The following COPB1 variants were observed in gnomAD, a reference collection of about 807,000 sequenced individuals.
COPB1 encodes coat protein complex I subunit beta 1, also known as coatomer subunit beta.
In COPB1, 21 loss-of-function variants were observed where a neutral mutation model predicts 108.7. That is an observed-to-expected ratio of 0.19 (90% CI 0.14 to 0.28). The LOEUF (loss-of-function observed/expected upper bound fraction) is 0.28, where lower values mean the gene tolerates loss of function less well. Ranked by LOEUF, COPB1 falls within the 10% of genes least tolerant of loss-of-function variation. The pLI, the probability that COPB1 is intolerant of heterozygous loss-of-function variation, is 1.00. For missense variants in COPB1, 919 were observed against 1,141.3 expected (o/e 0.81, Z 2.81); for synonymous variants, 378 against 386.8 (o/e 0.98, Z 0.27).
intron 8 of COPB1, among the ~76,000 whole-genome samples, chr11:14,482,400 T>A (rs1307107840): frequency 6.6e-6 from 1 of 152,214 alleles, no homozygotes; most frequent in East Asian, 1.9e-4. Context: ...TCACCTTTTA[T>A]TCTCAATTGG....
intron 20 of COPB1, among the ~76,000 whole-genome samples, chr11:14,458,905 T>C (rs139283876): frequency 1.1e-4 from 17 of 152,154 alleles, no homozygotes; most frequent in Middle Eastern, 6.8e-3. Flanking sequence ...GTAGCTGGGA[T>C]TACAGGCATT....
At chr11:14,470,997 A>G (rs1850390373) in intron 14 of COPB1, among the ~76,000 whole-genome samples, 1 of 151,888 alleles carries the variant, frequency 6.6e-6, no homozygotes, top group South Asian at 2.1e-4. Context: ...ACTTCTCACC[A>G]AAAAGCCAGA....
intron 18 of COPB1, among the ~76,000 whole-genome samples, chr11:14,462,408 A>G (rs1850176989): frequency 6.6e-6 from 1 of 151,700 alleles, no homozygotes; most frequent in Admixed American, 6.6e-5. Flanking sequence ...AATTTTTTGT[A>G]TTTTTAGTAG....
At chr11:14,467,117 A>G (rs1204091884) in intron 16 of COPB1, among the ~76,000 whole-genome samples, 1 of 152,206 alleles carries the variant, frequency 6.6e-6, no homozygotes, top group Non-Finnish European at 1.5e-5. Flanking sequence ...ACAGAATGGA[A>G]GAAAATATTT....
chr11:14,498,972 G>T lies in COPB1; in HGVS notation c.-44C>A. On this transcript the variant is annotated 5_prime_UTR_variant, in exon 2 of 22. Coordinates refer to ENST00000439561, the MANE Select transcript of COPB1 (RefSeq NM_001144061.2). Reference sequence around the variant, plus strand: ...AACCAATCCTTGACACAAGATTTAAGGATGCCAGAAAATCTAGAAAAATAA... The same window carrying T: ...AACCAATCCTTGACACAAGATTTAATGATGCCAGAAAATCTAGAAAAATAA... The T allele has an allele frequency of 6.8e-7, 1 of 1,479,004 alleles. No homozygotes were observed. Among genetic ancestry groups the T allele is most frequent in the African/African-American group, 1.4e-5 (1 of 69,962 alleles). The allele number at this position is 1,479,004 out of a possible 1,614,324, so 91.6% of individuals were successfully genotyped here. A position where few individuals can be genotyped will look rare whatever the true frequency, so the allele number is the denominator to read the frequency against.
chr11:14,458,753 G>C, intron 20 of COPB1, 66 bp from the exon 21 acceptor site: 1,471 of 1,145,402 alleles, frequency 1.3e-3, no homozygotes, highest in Non-Finnish European at 1.6e-3. Context: ...AAACCAAACA[G>C]CATAGGTGAC....
intron 2 of COPB1, chr11:14,494,728 C>T (rs1292518925): frequency 1.1e-5 from 3 of 280,714 alleles, no homozygotes; most frequent in African/African-American, 6.6e-5. Context: ...CTCCATGAAT[C>T]TACAGTCATA....
In COPB1 at chr11:14,464,975, G is replaced by T. The variant is rs755229687; in HGVS notation, c.2346C>A (p.Phe782Leu). The T allele has an allele frequency of 6.2e-7, 1 of 1,612,828 alleles. No homozygotes were observed. The highest frequency in any genetic ancestry group is 8.5e-7 in the Non-Finnish European group (1 of 1,179,544). ...PSPLTLAPHD[F>L]ANIKANVKVA... Reference sequence around the variant, plus strand: ...CTTTGACGTTAGCTTTAATATTTGCGAAGTCATGAGGAGCAAGAGTCAAAG... The same window carrying T: ...CTTTGACGTTAGCTTTAATATTTGCTAAGTCATGAGGAGCAAGAGTCAAAG... The change falls in exon 18 of 22, where the codon TTC becomes TTA. Residue 782 changes from phenylalanine (F) to leucine (L), a missense_variant. This residue lies in a region of COPB1 where 705 missense variants were observed against 817.8 expected (regional missense o/e 0.86). Transcript: ENST00000439561.
At chr11:14,468,996 TTTC>T in intron 15 of COPB1, 136 bp from the exon 16 acceptor site, 1 of 744,114 alleles carries the variant, frequency 1.3e-6, no homozygotes, top group African/African-American at 1.8e-5. Flanking sequence ...GCACTTTTCT[TTTC>T]TTTTTTTTCT....
chr11:14,498,388 T>G (rs1042788501), intron 2 of COPB1, among the ~76,000 whole-genome samples: 1 of 152,226 alleles, frequency 6.6e-6, no homozygotes, highest in Non-Finnish European at 1.5e-5. Context: ...AAGGTAAACT[T>G]TTCTGGAAAA....
Position 14,463,754 on chromosome 11 carries a change from G to A in COPB1, c.2410+1157C>T, listed in dbSNP as rs533562682. On this transcript the variant is annotated intron_variant, in intron 18 of 21. Coordinates refer to ENST00000439561, the MANE Select transcript of COPB1 (RefSeq NM_001144061.2). ...TCTCTAAAGTTTGTTCTTCTCTCCT[G>A]TATTTCCTGTTATGATGATGACATA... is the stretch of plus-strand genomic sequence containing the variant. 1.2e-3 allele frequency among the ~76,000 whole-genome samples: 189 copies of A among 152,268 alleles called. 1 individual carries two copies. Among genetic ancestry groups the A allele is most frequent in the African/African-American group, 4.4e-3 (181 of 41,558 alleles).
chr11:14,483,595 A>G (rs1850708845), intron 7 of COPB1, among the ~76,000 whole-genome samples: 1 of 152,182 alleles, frequency 6.6e-6, no homozygotes, highest in African/African-American at 2.4e-5. Flanking sequence ...AAGATCACCC[A>G]GAGTTGTTAA....
At chr11:14,464,453 G>A (rs1009033261) in intron 18 of COPB1, among the ~76,000 whole-genome samples, 4 of 152,080 alleles carry the variant, frequency 2.6e-5, no homozygotes, top group African/African-American at 4.8e-5. Context: ...GACAGAAATT[G>A]CAACAAAATA....
intron 15 of COPB1, among the ~76,000 whole-genome samples, 167 bp downstream of exon 15, chr11:14,469,169 A>G (rs1244967056): frequency 1.3e-5 from 2 of 151,554 alleles, no homozygotes; most frequent in Non-Finnish European, 2.9e-5. Context: ...TAATTTTCTC[A>G]TTTTTTTTGT....
chr11:14,470,527 T>A (rs2134102089), intron 14 of COPB1, among the ~76,000 whole-genome samples: 1 of 152,342 alleles, frequency 6.6e-6, no homozygotes, highest in African/African-American at 2.4e-5. Context: ...AACTTACTTT[T>A]TTAGTCTCAT....
chr11:14,494,059 AAACTTTTAAAAAT>A (rs1850967090), intron 3 of COPB1, 138 bp downstream of exon 3: 3 of 678,654 alleles, frequency 4.4e-6, no homozygotes, highest in Non-Finnish European at 7.2e-6. Flanking sequence ...AGTGACAATA[AAACTTTTAAAAAT>A]AACTCTTTTA....
Position 14,468,682 on chromosome 11 carries a change from T to C in COPB1, c.2144A>G (p.Lys715Arg). Residue 715 changes from lysine to arginine, a missense_variant and splice_region_variant, in exon 16 of 22, where the codon AAG becomes AGG. By Grantham distance (26) the Lys-to-Arg change is conservative. Coordinates refer to ENST00000439561, the MANE Select transcript of COPB1 (RefSeq NM_001144061.2). Reference protein sequence around the residue: ...AADPLASKLNKVTQLTGFSDP... With the variant: ...AADPLASKLNRVTQLTGFSDP... Reference sequence around the variant, plus strand: ...AGAGTCTATCAGACATTTTGTTACCTTGTTAAGTTTAGATGCTAGGGGATC... The same window carrying C: ...AGAGTCTATCAGACATTTTGTTACCCTGTTAAGTTTAGATGCTAGGGGATC... 1.9e-6 allele frequency: 3 copies of C among 1,613,496 alleles called. No homozygotes were observed. The highest frequency in any genetic ancestry group is 2.5e-6 in the Non-Finnish European group (3 of 1,179,660).
Position 14,479,664 on chromosome 11 carries a change from C to A in COPB1, c.1263G>T (p.Leu421Phe). Residue 421 changes from leucine (L) to phenylalanine (F), a missense_variant, in exon 11 of 22, where the codon TTG (leucine) becomes TTT (phenylalanine). This residue lies in a region of COPB1 where 705 missense variants were observed against 817.8 expected (regional missense o/e 0.86). Coordinates refer to ENST00000439561, the MANE Select transcript of COPB1 (RefSeq NM_001144061.2). Reference sequence around the variant, plus strand: ...GCTGAATGGCTTCACGAACAAACTCCAAGACATCAGCAGCTGCTGCTTCGT... The same window carrying A: ...GCTGAATGGCTTCACGAACAAACTCAAAGACATCAGCAGCTGCTGCTTCGT... ...DNNEAAAADV[L>F]EFVREAIQRF... is the part of the protein sequence containing the mutation. 6.2e-7 allele frequency: 1 copy of A among 1,610,178 alleles called. No individual in the cohort carries two copies. The highest frequency in any genetic ancestry group is 8.5e-7 in the Non-Finnish European group (1 of 1,178,520).
intron 14 of COPB1, among the ~76,000 whole-genome samples, chr11:14,470,944 A>ACACACACACACACACACACACT (rs1285522756): frequency 1.6e-4 from 14 of 90,206 alleles, no homozygotes; most frequent in African/African-American, 6.8e-4. Context: ...ACACACACAC[A>ACACACACACACACACACACACT]CTCTCTCTCT....
Sources: gnomAD v4.1 joint callset for allele counts (sites outside exome capture counted in the v4.1 genomes callset) on GRCh38, gnomAD v4.1.1 for gene constraint, gnomAD v4.1.1 regional missense constraint, MANE v1.5 for transcripts, NCBI Gene and HGNC (gene_info 2026-07-23, HGNC 2026-07-21) for gene names.